SMC6: variants seen among roughly 807,000 people sequenced by gnomAD.
The protein encoded by SMC6 is structural maintenance of chromosomes protein 6.
Under a neutral mutation model 142.2 loss-of-function variants are expected in SMC6, and 79 were observed. That is an observed-to-expected ratio of 0.56 (90% confidence interval 0.46 to 0.67). The LOEUF is 0.67. Ranked by LOEUF, SMC6 falls within the 30% of genes least tolerant of loss-of-function variation. SMC6 has a pLI of 0.00. For synonymous variants in SMC6, 411 were observed against 412.4 expected (o/e 1.00, Z 0.04); for missense variants, 1,072 against 1,284.0 (o/e 0.83, Z 2.52).
rs999365860 is a variant in SMC6, at chr2:17,664,172, G to C, written c.*1327C>G. On this transcript the variant is annotated 3_prime_UTR_variant, in exon 28 of 28. Transcript: ENST00000448223. Reference sequence around the variant, plus strand: ...ATGTTAAAAATAATTTTAATACAAAGGCATTATAAGTGTAAATTTAAAAAT... The same window carrying C: ...ATGTTAAAAATAATTTTAATACAAACGCATTATAAGTGTAAATTTAAAAAT... 6.6e-6 allele frequency: 1 copy of C among 152,160 alleles called. No individual in the cohort carries two copies. Among genetic ancestry groups the C allele is most frequent in the Non-Finnish European group, 1.5e-5 (1 of 68,024 alleles). The allele number at this position is 152,160 out of a possible 1,614,324, so 9.4% of individuals were successfully genotyped here.
At chr2:17,736,196 T>C (rs1484142010) in intron 5 of SMC6, among the ~76,000 whole-genome samples, 1 of 152,228 alleles carries the variant, frequency 6.6e-6, no homozygotes, top group Non-Finnish European at 1.5e-5. Context: ...CGTTAGTTTT[T>C]TAGACAGAAG....
chr2:17,711,480 C>T (rs1026635110), intron 16 of SMC6, among the ~76,000 whole-genome samples: 3 of 151,860 alleles, frequency 2.0e-5, no homozygotes, highest in Non-Finnish European at 2.9e-5. Flanking sequence ...CACTGGTAAG[C>T]GGAGTTACAG....
intron 26 of SMC6, among the ~76,000 whole-genome samples, chr2:17,668,969 G>A (rs983998729): frequency 3.9e-5 from 6 of 152,150 alleles, no homozygotes; most frequent in Non-Finnish European, 7.4e-5. Context: ...AGGACGGACC[G>A]AAGAAGGAGC....
intron 16 of SMC6, among the ~76,000 whole-genome samples, chr2:17,710,405 GTATAT>G (rs1668770053): frequency 1.3e-5 from 2 of 152,192 alleles, no homozygotes; most frequent in African/African-American, 2.4e-5. Flanking sequence ...TATATATTAA[GTATAT>G]TATATTATAG....
intron 24 of SMC6, 69 bp downstream of exon 24, chr2:17,683,569 T>C (rs1667323836): frequency 3.0e-6 from 4 of 1,341,652 alleles, no homozygotes; most frequent in Admixed American, 2.1e-5. Flanking sequence ...AACAGAATTA[T>C]ATAAATAATA....
At chr2:17,707,737 A>C (rs1411037435) in intron 17 of SMC6, among the ~76,000 whole-genome samples, 4 of 152,114 alleles carry the variant, frequency 2.6e-5, no homozygotes, top group African/African-American at 9.7e-5. Context: ...TTTTTTCTAA[A>C]TGACTTTTAT....
chr2:17,710,163 A>C (rs1218121172), intron 16 of SMC6, among the ~76,000 whole-genome samples: 2 of 152,270 alleles, frequency 1.3e-5, no homozygotes, highest in Non-Finnish European at 2.9e-5. Flanking sequence ...CAAGGGAAAC[A>C]TGATGATGGC....
chr2:17,753,667 G>A lies in SMC6; in HGVS notation c.-134C>T, dbSNP rs542222815. 2.8e-4 allele frequency: 42 copies of A among 152,348 alleles called. No homozygotes were observed. The highest frequency in any genetic ancestry group is 3.4e-3 in the Middle Eastern group (1 of 294). The allele number at this position is 152,348 out of a possible 1,614,324, so 9.4% of individuals were successfully genotyped here. The stretch of plus-strand genomic sequence containing the variant: ...TCTCCCAAAGGAACCTGATCGGCGG[G>A]GCTGCCGTGGTACGACCGGCCGCTA... On this transcript the variant is annotated 5_prime_UTR_variant, in exon 1 of 28. Coordinates refer to ENST00000448223, the MANE Select transcript of SMC6 (RefSeq NM_001142286.2).
At chr2:17,726,079 C>A (rs1197630180) in intron 8 of SMC6, among the ~76,000 whole-genome samples, 3 of 79,486 alleles carry the variant, frequency 3.8e-5, no homozygotes, top group Non-Finnish European at 4.1e-5. Flanking sequence ...CAGAGCAAGG[C>A]TCTGTCTTAA....
chr2:17,686,432 A>T (rs930296613), intron 23 of SMC6, among the ~76,000 whole-genome samples: 2 of 152,186 alleles, frequency 1.3e-5, no homozygotes, highest in Admixed American at 1.3e-4. Context: ...CAGTGAGCCA[A>T]GATTGTGCCG....
chr2:17,688,109 G>A (rs983236504), intron 23 of SMC6, among the ~76,000 whole-genome samples: 3 of 152,098 alleles, frequency 2.0e-5, no homozygotes, highest in East Asian at 1.9e-4. Context: ...ACAAACTCAC[G>A]TTTTTAATTC....
In SMC6 at chr2:17,703,980, T is replaced by C. The variant is rs573910675; in HGVS notation, c.2007-688A>G. Among the ~76,000 whole-genome samples, 25 of 152,226 alleles carry C rather than the reference T, an allele frequency of 1.6e-4. No homozygotes were observed. The South Asian group carries it at 5.0e-3, about 30-fold the overall frequency. ...AAAAGTTATATAGACTTTGACTGCA[T>C]TGGGGGTCAGTGCCCCTAACCTCTG... is the stretch of plus-strand genomic sequence containing the variant. On this transcript the variant is annotated intron_variant, in intron 18 of 27. Transcript: ENST00000448223.
At chr2:17,701,776 A>C (rs1668282675) in intron 20 of SMC6, 53 bp downstream of exon 20, 2 of 1,114,822 alleles carry the variant, frequency 1.8e-6, no homozygotes, top group Non-Finnish European at 2.6e-6. Flanking sequence ...CATTAACCTA[A>C]ATGGTGGCTT....
chr2:17,725,640 T>C (rs1043375653), intron 8 of SMC6, among the ~76,000 whole-genome samples: 2 of 152,198 alleles, frequency 1.3e-5, no homozygotes, highest in Non-Finnish European at 2.9e-5. Flanking sequence ...TTTTCACTAA[T>C]TCCATTCTTT....
chr2:17,692,417 C>T (rs1025354636), intron 23 of SMC6, among the ~76,000 whole-genome samples: 3 of 152,210 alleles, frequency 2.0e-5, no homozygotes, highest in Non-Finnish European at 4.4e-5. Context: ...CTACAACTAT[C>T]TGATTTTTGA....
At chr2:17,684,086 G>C (rs1326253207) in intron 23 of SMC6, among the ~76,000 whole-genome samples, 1 of 152,136 alleles carries the variant, frequency 6.6e-6, no homozygotes, top group Non-Finnish European at 1.5e-5. Context: ...CCTTCAAAAA[G>C]GGAAGGGGTC....
At chr2:17,667,707 G>T (rs557334618) in intron 26 of SMC6, among the ~76,000 whole-genome samples, 17 of 152,132 alleles carry the variant, frequency 1.1e-4, no homozygotes, top group Non-Finnish European at 1.3e-4. Flanking sequence ...AAAATTAGCC[G>T]GGCATGGTGG....
At chr2:17,692,026 C>T (rs917806254) in intron 23 of SMC6, among the ~76,000 whole-genome samples, 9 of 152,112 alleles carry the variant, frequency 5.9e-5, no homozygotes, top group African/African-American at 1.9e-4. Flanking sequence ...TCAAGGAGAA[C>T]CACAAACCAC....
intron 5 of SMC6, among the ~76,000 whole-genome samples, chr2:17,734,983 C>T (rs568005090): frequency 5.3e-5 from 8 of 152,244 alleles, no homozygotes; most frequent in South Asian, 2.1e-4. Context: ...CCGCCCAACT[C>T]GGGCTCGAAA....
Sources: allele counts gnomAD v4.1 joint callset (sites outside exome capture counted in the v4.1 genomes callset), GRCh38; gene constraint gnomAD v4.1.1; transcripts MANE v1.5; gene names NCBI Gene and HGNC (gene_info 2026-07-23, HGNC 2026-07-21).